ROR1: variants seen among roughly 807,000 people sequenced by gnomAD.
ROR1 encodes inactive tyrosine-protein kinase transmembrane receptor ROR1.
A neutral mutation model predicts 78.8 loss-of-function variants in ROR1; 19 were observed. The ratio of observed to expected loss-of-function variants is 0.24; its 90% confidence interval spans 0.17 to 0.35. ROR1 has a LOEUF of 0.35. Ranked by LOEUF, ROR1 falls within the 10% of genes least tolerant of loss-of-function variation. The pLI, the probability that ROR1 is intolerant of heterozygous loss-of-function variation, is 1.00. For missense variants in ROR1, 917 were observed against 1,177.8 expected (o/e 0.78, Z 3.24); for synonymous variants, 386 against 433.6 (o/e 0.89, Z 1.36).
chr1:63,795,512 T>A (rs1302432180), intron 1 of ROR1, among the ~76,000 whole-genome samples: 1 of 152,190 alleles, frequency 6.6e-6, no homozygotes. Flanking sequence ...GGACATATTG[T>A]GGACCTGCCG....
At chr1:63,789,869 T>C (rs1054789860) in intron 1 of ROR1, among the ~76,000 whole-genome samples, 1 of 152,142 alleles carries the variant, frequency 6.6e-6, no homozygotes, top group African/African-American at 2.4e-5. Context: ...TTAAATATTT[T>C]TCAAAGCAAG....
chr1:63,900,467 A>AAAAAAG (rs1645476541), intron 1 of ROR1, among the ~76,000 whole-genome samples: 1 of 151,414 alleles, frequency 6.6e-6, no homozygotes, highest in Non-Finnish European at 1.5e-5. Context: ...AAAAAAAAAA[A>AAAAAAG]AAAGGAAAAG....
In ROR1 at chr1:63,774,505, C is replaced by G; in HGVS notation, c.88C>G (p.Gln30Glu). 1 of 1,137,412 alleles carries G rather than the reference C, an allele frequency of 8.8e-7. No homozygotes were observed. The allele number at this position is 1,137,412 out of a possible 1,614,324, so 70.5% of individuals were successfully genotyped here. A position where few individuals can be genotyped will look rare whatever the true frequency, so the allele number is the denominator to read the frequency against. Residue 30 changes from glutamine to glutamate, a missense_variant, in exon 1 of 9, where the codon CAA (glutamine) becomes GAA (glutamate). Gln to Glu is a conservative substitution (Grantham distance 29). Coordinates refer to ENST00000371079, the MANE Select transcript of ROR1 (RefSeq NM_005012.4). This position sits in a 1 kb window ranked among gnomAD's most constrained non-coding sequence, Gnocchi z 5.7. Reference protein sequence around the residue: ...LLLAARGAAAQETELSVSAEL... With the variant: ...LLLAARGAAAEETELSVSAEL... ...GCTGGCCGCACGCGGGGCTGCTGCCCAAGGTAAGAGGCGCCCGCCGGCCCC... is the reference window on the plus strand; with the variant it reads ...GCTGGCCGCACGCGGGGCTGCTGCCGAAGGTAAGAGGCGCCCGCCGGCCCC...
At chr1:64,116,739 G>T (rs1375276005) in intron 4 of ROR1, among the ~76,000 whole-genome samples, 1 of 152,090 alleles carries the variant, frequency 6.6e-6, no homozygotes, top group Non-Finnish European at 1.5e-5. Context: ...ACACTTGGCT[G>T]GGACTCGGGA....
rs1647022006 is a variant in ROR1, at chr1:64,073,264, G to C, written c.482+22548G>C. Among the ~76,000 whole-genome samples, 3 of 152,078 alleles carry C rather than the reference G, an allele frequency of 2.0e-5. No individual in the cohort carries two copies. In the South Asian group the frequency reaches 6.2e-4, roughly 32 times the overall value. ...CCTGAGAAAATACTAGCCACTTGGGGGTCCTCATTCTTGCCCAATCAGTCA... is the reference window on the plus strand; with the variant it reads ...CCTGAGAAAATACTAGCCACTTGGGCGTCCTCATTCTTGCCCAATCAGTCA... On this transcript the variant is annotated intron_variant, in intron 4 of 8. Transcript: ENST00000371079.
intron 4 of ROR1, among the ~76,000 whole-genome samples, chr1:64,058,989 T>G (rs1646895894): frequency 6.6e-6 from 1 of 152,196 alleles, no homozygotes; most frequent in South Asian, 2.1e-4. Flanking sequence ...AATTACTAAT[T>G]CAACTTTCTT....
intron 1 of ROR1, among the ~76,000 whole-genome samples, chr1:63,857,101 T>TA (rs1557530058): frequency 6.6e-6 from 1 of 151,798 alleles, no homozygotes; most frequent in African/African-American, 2.4e-5. Flanking sequence ...ATGAATGAAT[T>TA]AATAAATAAA....
intron 4 of ROR1, among the ~76,000 whole-genome samples, chr1:64,068,326 A>G (rs1240698769): frequency 1.3e-5 from 2 of 152,184 alleles, no homozygotes; most frequent in Non-Finnish European, 2.9e-5. Context: ...CAAAAATGTA[A>G]ATCATATTGC....
At chr1:64,169,226 G>A (rs184499686) in intron 8 of ROR1, among the ~76,000 whole-genome samples, 20 of 152,280 alleles carry the variant, frequency 1.3e-4, no homozygotes, top group Admixed American at 1.2e-3. Context: ...TCCTCTGATG[G>A]GGTGTATTAG....
chr1:63,975,767 T>A (rs1318545719), intron 1 of ROR1, among the ~76,000 whole-genome samples: 4 of 152,300 alleles, frequency 2.6e-5, no homozygotes, highest in South Asian at 2.1e-4. Flanking sequence ...AGGCACTTCC[T>A]TGGCGGGTGA....
chr1:64,094,973 T>C (rs1647260827), intron 4 of ROR1: 1 of 152,230 alleles, frequency 6.6e-6, no homozygotes, highest in Admixed American at 6.5e-5. Flanking sequence ...GCCTGAGGAT[T>C]CTTCAGGTAG....
intron 8 of ROR1, among the ~76,000 whole-genome samples, chr1:64,160,647 T>C (rs1381989970): frequency 6.6e-6 from 1 of 152,216 alleles, no homozygotes; most frequent in Non-Finnish European, 1.5e-5. Flanking sequence ...TTAGTGCTAC[T>C]ATAAAAGTAG....
intron 1 of ROR1, among the ~76,000 whole-genome samples, chr1:63,871,475 G>A (rs1645251150): frequency 6.6e-6 from 1 of 152,176 alleles, no homozygotes; most frequent in African/African-American, 2.4e-5. Flanking sequence ...AGCATCAGAA[G>A]TTGATGCACT....
intron 4 of ROR1, among the ~76,000 whole-genome samples, chr1:64,099,018 G>A (rs967770171): frequency 2.6e-5 from 4 of 152,018 alleles, no homozygotes; most frequent in African/African-American, 4.8e-5. Flanking sequence ...GTTTACTGGC[G>A]GGCCCCAGTG....
At chr1:63,998,711 G>A (rs550263809) in intron 1 of ROR1, among the ~76,000 whole-genome samples, 14 of 152,300 alleles carry the variant, frequency 9.2e-5, no homozygotes, top group African/African-American at 3.4e-4. Context: ...AGATATTTAT[G>A]TTGCTAGGGA....
intron 1 of ROR1, among the ~76,000 whole-genome samples, chr1:63,958,368 A>C: frequency 6.6e-6 from 1 of 152,114 alleles, no homozygotes; most frequent in East Asian, 1.9e-4. Context: ...TAACAATTTG[A>C]CAACGAGAAC....
At chr1:64,039,087 G>A (rs1646725558) in intron 2 of ROR1, among the ~76,000 whole-genome samples, 1 of 152,180 alleles carries the variant, frequency 6.6e-6, no homozygotes, top group Non-Finnish European at 1.5e-5. Context: ...CAAGTGACAG[G>A]GCCTTCACCA....
chr1:64,081,076 C>A (rs1647097686), intron 4 of ROR1, among the ~76,000 whole-genome samples: 1 of 152,144 alleles, frequency 6.6e-6, no homozygotes, highest in South Asian at 2.1e-4. Context: ...TCCCCTACCC[C>A]TGAAGAATCC....
chr1:63,858,480 T>C (rs1449087805), intron 1 of ROR1, among the ~76,000 whole-genome samples: 1 of 152,216 alleles, frequency 6.6e-6, no homozygotes, highest in African/African-American at 2.4e-5. Context: ...TTTTGCATAT[T>C]TTCCTAGAAT....
Sources: allele counts gnomAD v4.1 joint callset (sites outside exome capture counted in the v4.1 genomes callset), GRCh38; gene constraint gnomAD v4.1.1; non-coding constraint Gnocchi (gnomAD v3.1); transcripts MANE v1.5; gene names NCBI Gene and HGNC (gene_info 2026-07-23, HGNC 2026-07-21).